The following ELMO1 variants were observed in gnomAD, a reference collection of about 807,000 sequenced individuals.
ELMO1 encodes the protein engulfment and cell motility protein 1.
ELMO1 carries 26 observed loss-of-function variants against 98.9 expected under a neutral mutation model. The observed-to-expected ratio is 0.26, with a 90% confidence interval of 0.19 to 0.36. The LOEUF is 0.36. Ranked by LOEUF, ELMO1 falls within the 10% of genes least tolerant of loss-of-function variation. The pLI, the probability that ELMO1 is intolerant of heterozygous loss-of-function variation, is 1.00. For missense variants in ELMO1, 627 were observed against 935.2 expected, an observed-to-expected ratio of 0.67 and a Z score of 4.30; for synonymous variants, 346 against 346.0, an observed-to-expected ratio of 1.00 and a Z score of 0.00.
At chr7:36,928,835 C>G (rs1785790081) in intron 16 of ELMO1, among the ~76,000 whole-genome samples, 1 of 152,168 alleles carries the variant, frequency 6.6e-6, no homozygotes, top group Non-Finnish European at 1.5e-5. Context: ...GGGAGCTTTT[C>G]TGAAAGGTGA....
chr7:37,062,132 A>G (rs2129214574), intron 15 of ELMO1, among the ~76,000 whole-genome samples: 1 of 152,364 alleles, frequency 6.6e-6, no homozygotes, highest in African/African-American at 2.4e-5. Flanking sequence ...ATTATGCATT[A>G]ATATGCAAAT....
intron 19 of ELMO1, among the ~76,000 whole-genome samples, chr7:36,872,922 T>C (rs1227747347): frequency 6.6e-6 from 1 of 152,234 alleles, no homozygotes; most frequent in Non-Finnish European, 1.5e-5. Context: ...AATTGGTAAG[T>C]TAGCCCTTAG....
At chr7:37,349,776 C>T (rs1040063500) in intron 1 of ELMO1, among the ~76,000 whole-genome samples, 9 of 152,120 alleles carry the variant, frequency 5.9e-5, no homozygotes, top group African/African-American at 2.2e-4. Context: ...TTGAGAACAC[C>T]GCCCTGCATG....
At chr7:37,060,748 G>A (rs1166550643) in intron 15 of ELMO1, among the ~76,000 whole-genome samples, 1 of 152,074 alleles carries the variant, frequency 6.6e-6, no homozygotes, top group African/African-American at 2.4e-5. Flanking sequence ...AAAATATTAG[G>A]TCATTGGCTT....
At chr7:36,893,798 A>G (rs759046826) in intron 17 of ELMO1, among the ~76,000 whole-genome samples, 1 of 152,160 alleles carries the variant, frequency 6.6e-6, no homozygotes, top group Non-Finnish European at 1.5e-5. Context: ...TAGCCTTTGC[A>G]TGGGAGTAAG....
intron 14 of ELMO1, among the ~76,000 whole-genome samples, chr7:37,110,646 G>C (rs1273157593): frequency 6.6e-6 from 1 of 152,032 alleles, no homozygotes; most frequent in African/African-American, 2.4e-5. Flanking sequence ...ACTTCCCAAA[G>C]CAATGGAGGA....
chr7:37,142,938 C>T (rs1787735734), intron 13 of ELMO1, among the ~76,000 whole-genome samples: 1 of 152,152 alleles, frequency 6.6e-6, no homozygotes, highest in Non-Finnish European at 1.5e-5. Context: ...TTGAATTTTG[C>T]ACCCAATATG....
intron 16 of ELMO1, among the ~76,000 whole-genome samples, chr7:36,916,730 T>G (rs1276510332): frequency 6.6e-6 from 1 of 152,234 alleles, no homozygotes; most frequent in African/African-American, 2.4e-5. Flanking sequence ...CTCATTCCTC[T>G]TACACTGCCT....
At chr7:37,135,855 C>A (rs910913963) in intron 13 of ELMO1, among the ~76,000 whole-genome samples, 1 of 152,152 alleles carries the variant, frequency 6.6e-6, no homozygotes, top group Non-Finnish European at 1.5e-5. Context: ...AGCTAACCAG[C>A]AATGGATCCA....
intron 1 of ELMO1, among the ~76,000 whole-genome samples, chr7:37,375,126 C>T (rs1802282121): frequency 6.6e-6 from 1 of 152,180 alleles, no homozygotes; most frequent in African/African-American, 2.4e-5. Context: ...TTGTTCCCAT[C>T]TTCCTGATTC....
rs550364033 is a variant in ELMO1 at position 37,014,863 on chromosome 7, G to A, written c.1301-1428C>T. Among the ~76,000 whole-genome samples the A allele has an allele frequency of 9.2e-5, 14 of 152,112 alleles. No individual in the cohort carries two copies. The South Asian group carries it at 1.9e-3, about 20-fold the overall frequency. ...CTTATAGCAGAGAGCTTCTGTTCTC[G>A]GGGAGAGCCCTGGTGCCTGCCATGT... On this transcript the variant is annotated intron_variant, in intron 15 of 21. Transcript: ENST00000310758.
intron 16 of ELMO1, among the ~76,000 whole-genome samples, chr7:36,923,485 C>G (rs1237869199): frequency 1.3e-5 from 2 of 152,174 alleles, no homozygotes; most frequent in East Asian, 3.9e-4. Context: ...TCCACAGGAT[C>G]AGAGGGCTTA....
At chr7:37,338,169 C>T (rs1800524010) in intron 2 of ELMO1, among the ~76,000 whole-genome samples, 1 of 152,206 alleles carries the variant, frequency 6.6e-6, no homozygotes, top group Non-Finnish European at 1.5e-5. Flanking sequence ...ACTCTTTTCA[C>T]ATGATTTCTT....
intron 6 of ELMO1, among the ~76,000 whole-genome samples, chr7:37,258,351 G>GGATCACTT (rs1347492186): frequency 5.3e-5 from 8 of 152,126 alleles, no homozygotes; most frequent in Non-Finnish European, 7.4e-5. Context: ...TGAGGTGGGA[G>GGATCACTT]GATCACTTGA....
At chr7:37,255,253 A>G (rs1795578950) in intron 6 of ELMO1, among the ~76,000 whole-genome samples, 1 of 152,152 alleles carries the variant, frequency 6.6e-6, no homozygotes, top group South Asian at 2.1e-4. Context: ...TCTTGTCCTT[A>G]TAAGAAAAGG....
At chr7:37,238,862 TA>T (rs1407959027) in intron 7 of ELMO1, among the ~76,000 whole-genome samples, 1 of 152,232 alleles carries the variant, frequency 6.6e-6, no homozygotes, top group Non-Finnish European at 1.5e-5. Context: ...TTTCAAATGT[TA>T]AACTATTTCT....
chr7:37,186,267 T>C (rs887887867), intron 13 of ELMO1, among the ~76,000 whole-genome samples: 3 of 152,006 alleles, frequency 2.0e-5, no homozygotes, highest in Non-Finnish European at 2.9e-5. Flanking sequence ...CATGCAAAAA[T>C]GAAGTTGGAC....
At chr7:37,005,692 CAAAAAAAAAAAAAAA>C (rs71553094) in intron 16 of ELMO1, among the ~76,000 whole-genome samples, 74 of 37,514 alleles carry the variant, frequency 2.0e-3, no homozygotes, top group Non-Finnish European at 3.5e-3. Context: ...GACTCTGTCT[CAAAAAAAAAAAAAAA>C]AAAAAAAAAA....
intron 5 of ELMO1, chr7:37,270,653 A>C (rs1796501733): frequency 6.6e-6 from 1 of 152,198 alleles, no homozygotes; most frequent in Non-Finnish European, 1.5e-5. Flanking sequence ...TACTACCTAA[A>C]GTATCTCCAA....
Sources: allele counts gnomAD v4.1 joint callset (sites outside exome capture counted in the v4.1 genomes callset), GRCh38; gene constraint gnomAD v4.1.1; transcripts MANE v1.5; gene names NCBI Gene and HGNC (gene_info 2026-07-23, HGNC 2026-07-21).